MLLT10: variants seen among roughly 807,000 people sequenced by gnomAD.
The protein encoded by MLLT10 is protein AF-10.
MLLT10 carries 30 observed loss-of-function variants against 129.1 expected under a neutral mutation model. That is an observed-to-expected ratio of 0.23 (90% CI 0.17 to 0.32). The LOEUF is 0.32. Ranked by LOEUF, MLLT10 falls within the 10% of genes least tolerant of loss-of-function variation. The pLI, the probability that MLLT10 is intolerant of heterozygous loss-of-function variation, is 1.00. For missense variants in MLLT10, 1,119 were observed against 1,268.3 expected (o/e 0.88, Z 1.79); for synonymous variants, 490 against 446.4 (o/e 1.10, Z -1.23).
chr10:21,732,960 A>C lies in MLLT10; in HGVS notation c.2280A>C (p.Gln760His), dbSNP rs752228670. Residue 760 changes from glutamine to histidine, a missense_variant, in exon 18 of 23, where the codon CAA becomes CAC. Physicochemically the swap from Gln to His is conservative, Grantham distance 24 (BLOSUM62 0). Coordinates refer to ENST00000307729, the MANE Select transcript of MLLT10 (RefSeq NM_001195626.3). ...LQVENRRLEE[Q>H]IKNLTAKKER... ...TTGAAAACCGAAGATTAGAGGAACAAATTAAAAACTTGACTGCCAAAAAGG... is the reference window on the plus strand; with the variant it reads ...TTGAAAACCGAAGATTAGAGGAACACATTAAAAACTTGACTGCCAAAAAGG... 1 of 1,614,096 alleles carries C rather than the reference A, an allele frequency of 6.2e-7. No homozygotes were observed. The highest frequency in any genetic ancestry group is 8.5e-7 in the Non-Finnish European group (1 of 1,180,004).
intron 3 of MLLT10, among the ~76,000 whole-genome samples, chr10:21,543,774 C>T (rs532510540): frequency 9.2e-5 from 14 of 152,104 alleles, no homozygotes; most frequent in Non-Finnish European, 1.5e-4. Flanking sequence ...CCACTATGCC[C>T]GGTCTGTAGT....
At chr10:21,730,484 A>G (rs1163935601) in intron 16 of MLLT10, among the ~76,000 whole-genome samples, 2 of 152,146 alleles carry the variant, frequency 1.3e-5, no homozygotes, top group East Asian at 3.8e-4. Context: ...ACAGTATTAT[A>G]CTTTTTCAGG....
intron 13 of MLLT10, chr10:21,688,363 TTA>T (rs1290945836): frequency 2.7e-6 from 2 of 737,040 alleles, no homozygotes; most frequent in African/African-American, 3.6e-5. Context: ...CATGGGGATT[TTA>T]ACCCTGATGA....
chr10:21,639,811 A>G (rs1213977918), intron 8 of MLLT10, among the ~76,000 whole-genome samples: 2 of 152,106 alleles, frequency 1.3e-5, no homozygotes. Context: ...CCACAATCAG[A>G]CAAGGTAGGT....
intron 16 of MLLT10, among the ~76,000 whole-genome samples, chr10:21,730,137 C>G (rs1028344525): frequency 6.6e-6 from 1 of 150,802 alleles, no homozygotes; most frequent in Non-Finnish European, 1.5e-5. Context: ...CCTCCCCGCC[C>G]AAAAAAAAGC....
At chr10:21,631,712 C>G (rs527480644) in intron 8 of MLLT10, among the ~76,000 whole-genome samples, 9 of 152,152 alleles carry the variant, frequency 5.9e-5, no homozygotes, top group African/African-American at 2.2e-4. Flanking sequence ...TTTCAAACAA[C>G]CAGATCTGGT....
At chr10:21,688,599 C>A in intron 13 of MLLT10, 2 of 1,434,194 alleles carry the variant, frequency 1.4e-6, no homozygotes, top group Non-Finnish European at 1.9e-6. Flanking sequence ...CCTATTGTAG[C>A]TTGGAAACCT....
At chr10:21,722,393 T>TA (rs1690321873) in intron 14 of MLLT10, among the ~76,000 whole-genome samples, 1 of 152,234 alleles carries the variant, frequency 6.6e-6, no homozygotes, top group Non-Finnish European at 1.5e-5. Flanking sequence ...GGTATATTAG[T>TA]AATTTGCTTT....
intron 11 of MLLT10, among the ~76,000 whole-genome samples, chr10:21,680,150 G>A (rs1245076571): frequency 1.3e-5 from 2 of 151,852 alleles, no homozygotes; most frequent in Non-Finnish European, 2.9e-5. Flanking sequence ...TCTCGTTTGG[G>A]TGGAATAAAA....
At position 21,670,571 on chromosome 10, in the gene MLLT10, T is replaced by C. The variant is rs1309710412; in HGVS notation, c.918T>C (p.Asp306=). ...EVSAHTSSGK[D]VSETRGSEGK... ...CTGCACACACCTCTAGTGGAAAAGA[T>C]GTTTCAGAGACTAGAGGGTCAGAGG... The change falls in exon 10 of 23, where the codon GAT becomes GAC. Residue 306 remains aspartate (D), a synonymous_variant. Coordinates refer to ENST00000307729, the MANE Select transcript of MLLT10 (RefSeq NM_001195626.3). The C allele has an allele frequency of 3.7e-6, 6 of 1,614,152 alleles. No individual in the cohort carries two copies. Among genetic ancestry groups the C allele is most frequent in the Non-Finnish European group, 5.1e-6 (6 of 1,180,018 alleles).
At chr10:21,707,994 T>C (rs2055695160) in intron 13 of MLLT10, among the ~76,000 whole-genome samples, 1 of 152,220 alleles carries the variant, frequency 6.6e-6, no homozygotes, top group Admixed American at 6.5e-5. Flanking sequence ...TTGTGGTACC[T>C]TTTTCTCTTC....
intron 9 of MLLT10, among the ~76,000 whole-genome samples, chr10:21,664,944 CTTTTTTTTTT>C (rs146373535): frequency 8.4e-6 from 1 of 119,392 alleles, no homozygotes; most frequent in Non-Finnish European, 1.7e-5. Context: ...TTTTTCTTTT[CTTTTTTTTTT>C]TTTTTTTTTG....
At chr10:21,611,237 G>C (rs976956119) in intron 5 of MLLT10, among the ~76,000 whole-genome samples, 1 of 148,266 alleles carries the variant, frequency 6.7e-6, no homozygotes, top group African/African-American at 2.5e-5. Context: ...TCGAACTCCT[G>C]ACCTCAGGTG....
intron 4 of MLLT10, among the ~76,000 whole-genome samples, chr10:21,590,968 T>C (rs2042435796): frequency 6.6e-6 from 1 of 152,240 alleles, no homozygotes; most frequent in African/African-American, 2.4e-5. Context: ...TTTTAGATAT[T>C]CTTTTCTAAT....
intron 9 of MLLT10, among the ~76,000 whole-genome samples, chr10:21,659,490 C>T (rs1279693755): frequency 3.3e-5 from 5 of 151,168 alleles, no homozygotes; most frequent in Non-Finnish European, 5.9e-5. Context: ...CACTGGGCTA[C>T]TTTGCTCTTC....
intron 3 of MLLT10, among the ~76,000 whole-genome samples, chr10:21,569,677 T>C (rs1185535193): frequency 6.6e-6 from 1 of 151,980 alleles, no homozygotes; most frequent in Non-Finnish European, 1.5e-5. Flanking sequence ...CGCCTCAGGC[T>C]CCCAAAGTGC....
intron 8 of MLLT10, among the ~76,000 whole-genome samples, chr10:21,618,228 G>T (rs2131215772): frequency 6.6e-6 from 1 of 152,140 alleles, no homozygotes; most frequent in East Asian, 1.9e-4. Context: ...AACATTTTGG[G>T]CTGGGCGTGG....
At chr10:21,603,282 G>T (rs1023870706) in intron 5 of MLLT10, among the ~76,000 whole-genome samples, 2 of 149,820 alleles carry the variant, frequency 1.3e-5, no homozygotes, top group Non-Finnish European at 1.5e-5. Context: ...GGCCAGGCTG[G>T]TCTCAAATTC....
intron 21 of MLLT10, among the ~76,000 whole-genome samples, chr10:21,735,763 C>G (rs1195629969): frequency 1.3e-5 from 2 of 152,044 alleles, no homozygotes; most frequent in African/African-American, 2.4e-5. Flanking sequence ...AAGGTCTGGA[C>G]GTACTTGTGT....
Sources: allele counts gnomAD v4.1 joint callset (sites outside exome capture counted in the v4.1 genomes callset), GRCh38; gene constraint gnomAD v4.1.1; transcripts MANE v1.5; gene names NCBI Gene and HGNC (gene_info 2026-07-23, HGNC 2026-07-21).